The following FNTB variants were observed in gnomAD, a reference collection of about 807,000 sequenced individuals.
The protein encoded by FNTB is protein farnesyltransferase subunit beta.
In FNTB, 27 loss-of-function variants were observed where a neutral mutation model predicts 59.4. That is an observed-to-expected ratio of 0.45 (90% CI 0.34 to 0.63). FNTB has a LOEUF of 0.63. Ranked by LOEUF, FNTB falls within the 20% of genes least tolerant of loss-of-function variation. The pLI, the probability that FNTB is intolerant of heterozygous loss-of-function variation, is 0.02. For synonymous variants in FNTB, 230 were observed against 220.7 expected (o/e 1.04, Z -0.37); for missense variants, 449 against 559.6 (o/e 0.80, Z 1.99).
At chr14:65,015,847 A>G in intron 4 of FNTB, 131 bp downstream of exon 4, 3 of 1,022,628 alleles carry the variant, frequency 2.9e-6, no homozygotes, top group Non-Finnish European at 2.9e-6. Context: ...TGCTCTTCTC[A>G]TGACCTCCGG....
At chr14:65,046,099 C>T (rs2062471425) in intron 9 of FNTB, among the ~76,000 whole-genome samples, 1 of 152,144 alleles carries the variant, frequency 6.6e-6, no homozygotes, top group Admixed American at 6.5e-5. Flanking sequence ...GCCTTAGCCT[C>T]CTAAATAGCT....
intron 4 of FNTB, among the ~76,000 whole-genome samples, chr14:65,026,445 C>CT (rs2061982729): frequency 6.6e-6 from 1 of 152,212 alleles, no homozygotes; most frequent in Admixed American, 6.5e-5. Flanking sequence ...AACCCGCAGA[C>CT]TGGGAGGCAT....
In FNTB at chr14:65,023,952, A is replaced by G. The variant is rs1422588122; in HGVS notation, c.375-3501A>G. On this transcript the variant is annotated intron_variant, in intron 4 of 11. Coordinates refer to ENST00000246166, the MANE Select transcript of FNTB (RefSeq NM_002028.4). This position sits in a 1 kb window ranked among gnomAD's most constrained non-coding sequence, Gnocchi z 4.1. ...CCTGACTCTACTAAAAAATACAAAA[A>G]TTAGCTGGGCGTGGCGGCATGCACC... Among the ~76,000 whole-genome samples the G allele has an allele frequency of 6.6e-6, 1 of 152,068 alleles. No individual in the cohort carries two copies. The highest frequency in any genetic ancestry group is 6.6e-5 in the Admixed American group (1 of 15,260).
chr14:65,011,274 C>G lies in FNTB; in HGVS notation c.210-1043C>G, dbSNP rs1399251168. 1.3e-5 allele frequency among the ~76,000 whole-genome samples: 2 copies of G among 151,950 alleles called. No homozygotes were observed. The highest frequency in any genetic ancestry group is 2.9e-5 in the Non-Finnish European group (2 of 67,954). On this transcript the variant is annotated intron_variant, in intron 2 of 11. Coordinates refer to ENST00000246166, the MANE Select transcript of FNTB (RefSeq NM_002028.4). This position sits in a 1 kb window ranked among gnomAD's most constrained non-coding sequence, Gnocchi z 4.0. ...GAAACCCCCGTCTCCACTAAAAATA[C>G]AAAAATTAGCTGGGTGTGGTGGCAC...
In FNTB at chr14:65,030,655, G is replaced by A. The variant is rs2062062767; in HGVS notation, c.606-1955G>A. On this transcript the variant is annotated intron_variant, in intron 6 of 11. Coordinates refer to ENST00000246166, the MANE Select transcript of FNTB (RefSeq NM_002028.4). This position sits in a 1 kb window ranked among gnomAD's most constrained non-coding sequence, Gnocchi z 4.5. Reference sequence around the variant, plus strand: ...TGCTTAGGAGGCTGAGGCAAGATCAGTTTGAGCCCAGGAGTTTGAGGTTGC... The same window carrying A: ...TGCTTAGGAGGCTGAGGCAAGATCAATTTGAGCCCAGGAGTTTGAGGTTGC... 6.6e-6 allele frequency among the ~76,000 whole-genome samples: 1 copy of A among 151,918 alleles called. No individual in the cohort carries two copies. Among genetic ancestry groups the A allele is most frequent in the Admixed American group, 6.6e-5 (1 of 15,256 alleles).
chr14:65,040,259 GTATATATATGTATATATATGTGTGTATA>G (rs1281038446), intron 7 of FNTB, among the ~76,000 whole-genome samples: 3 of 144,984 alleles, frequency 2.1e-5, no homozygotes, highest in Non-Finnish European at 3.0e-5. Context: ...ATATATATAT[GTATATATATGTATATATATGTGTGTATA>G]TATATATATG....
At chr14:65,059,790 A>T (rs2062818762) in intron 11 of FNTB, among the ~76,000 whole-genome samples, 1 of 150,718 alleles carries the variant, frequency 6.6e-6, no homozygotes, top group African/African-American at 2.4e-5. Context: ...ATATATTTAA[A>T]TATGATCTGA....
At chr14:65,036,126 G>C (rs1481903789) in intron 7 of FNTB, among the ~76,000 whole-genome samples, 3 of 151,526 alleles carry the variant, frequency 2.0e-5, no homozygotes, top group Non-Finnish European at 4.4e-5. Context: ...AGCCACGATG[G>C]CCAGCCTGCC....
Position 65,044,415 on chromosome 14 carries a change from C to T in FNTB, c.927C>T (p.Pro309=), listed in dbSNP as rs1351344722. ...CCTTCTGGCAGGCGGGGCTCCTGCC[C>T]CTGCTCCACCGCGCACTGCACGCCC... ...CYSFWQAGLL[P]LLHRALHAQG... Residue 309 remains proline, a synonymous_variant, in exon 9 of 12, where the codon CCC becomes CCT. Coordinates refer to ENST00000246166, the MANE Select transcript of FNTB (RefSeq NM_002028.4). The surrounding 1 kb of genome is among the most constrained non-coding windows in gnomAD (Gnocchi z 5.5). 6.2e-7 allele frequency: 1 copy of T among 1,613,010 alleles called. No individual in the cohort carries two copies. Among genetic ancestry groups the T allele is most frequent in the Non-Finnish European group, 8.5e-7 (1 of 1,179,580 alleles).
In FNTB at chr14:64,991,726, A is replaced by T. The variant is rs139941793; in HGVS notation, c.144+4629A>T. Among the ~76,000 whole-genome samples the T allele has an allele frequency of 6.6e-6, 1 of 152,080 alleles. No individual in the cohort carries two copies. The highest frequency in any genetic ancestry group is 2.4e-5 in the African/African-American group (1 of 41,388). On this transcript the variant is annotated intron_variant, in intron 1 of 11. Transcript: ENST00000246166. The surrounding 1 kb of genome is among the most constrained non-coding windows in gnomAD (Gnocchi z 4.4). The stretch of plus-strand genomic sequence containing the variant: ...TGTGTGGGCTGAGGTGGTCAGGATG[A>T]CTTCATGGAGAACGTGGAACTGGGT...
chr14:64,992,145 A>G (rs1045821926), intron 1 of FNTB, among the ~76,000 whole-genome samples: 1 of 152,220 alleles, frequency 6.6e-6, no homozygotes, highest in Non-Finnish European at 1.5e-5. Flanking sequence ...TTAGGTGGTC[A>G]GTAGGCTAGC....
chr14:65,041,409 C>A (rs1298821624), intron 8 of FNTB, among the ~76,000 whole-genome samples: 1 of 152,124 alleles, frequency 6.6e-6, no homozygotes, highest in Non-Finnish European at 1.5e-5. Flanking sequence ...ACGCTCCTGG[C>A]CAGTATTCAG....
At chr14:65,048,219 G>A (rs191067831) in intron 9 of FNTB, among the ~76,000 whole-genome samples, 1 of 151,654 alleles carries the variant, frequency 6.6e-6, no homozygotes, top group Non-Finnish European at 1.5e-5. Context: ...CTGGCCTCAA[G>A]TGATCCACCT....
At chr14:65,000,556 C>T (rs1190712386) in intron 1 of FNTB, among the ~76,000 whole-genome samples, 2 of 151,996 alleles carry the variant, frequency 1.3e-5, no homozygotes, top group Non-Finnish European at 2.9e-5. Context: ...TGAGGTGGCT[C>T]ACGCCCGTAA....
intron 1 of FNTB, among the ~76,000 whole-genome samples, chr14:64,992,300 A>G (rs1165111674): frequency 6.6e-6 from 1 of 152,244 alleles, no homozygotes; most frequent in East Asian, 1.9e-4. Flanking sequence ...TTTTAGGTAT[A>G]TAAGTGAAAA....
At chr14:65,056,129 T>C (rs929453976) in intron 11 of FNTB, among the ~76,000 whole-genome samples, 2 of 152,246 alleles carry the variant, frequency 1.3e-5, no homozygotes, top group African/African-American at 4.8e-5. Flanking sequence ...AACAGTTGCT[T>C]GCATGTTTTC....
At chr14:65,048,325 T>A (rs76123659) in intron 9 of FNTB, among the ~76,000 whole-genome samples, 20 of 145,152 alleles carry the variant, frequency 1.4e-4, no homozygotes, top group Admixed American at 3.4e-4. Flanking sequence ...ACTGTGCCTT[T>A]AAAAAAAAAA....
At position 65,044,414 on chromosome 14, in the gene FNTB, C is replaced by T; in HGVS notation, c.926C>T (p.Pro309Leu). The change falls in exon 9 of 12, where the codon CCC becomes CTC. Residue 309 changes from proline (P) to leucine (L), a missense_variant. Pro to Leu is a moderately conservative substitution (Grantham distance 98). Transcript: ENST00000246166. The surrounding 1 kb of genome is among the most constrained non-coding windows in gnomAD (Gnocchi z 5.5). ...TCCTTCTGGCAGGCGGGGCTCCTGC[C>T]CCTGCTCCACCGCGCACTGCACGCC... ...CYSFWQAGLL[P>L]LLHRALHAQG... The T allele has an allele frequency of 6.2e-7, 1 of 1,612,974 alleles. No homozygotes were observed. The highest frequency in any genetic ancestry group is 8.5e-7 in the Non-Finnish European group (1 of 1,179,582).
intron 11 of FNTB, among the ~76,000 whole-genome samples, chr14:65,059,143 C>T (rs1288901621): frequency 6.6e-6 from 1 of 152,122 alleles, no homozygotes; most frequent in Admixed American, 6.5e-5. Flanking sequence ...CTGCCTTAGC[C>T]TCCCAAGTAG....
Sources: gnomAD v4.1 joint callset for allele counts (sites outside exome capture counted in the v4.1 genomes callset) on GRCh38, gnomAD v4.1.1 for gene constraint, Gnocchi (gnomAD v3.1) non-coding constraint, MANE v1.5 for transcripts, NCBI Gene and HGNC (gene_info 2026-07-23, HGNC 2026-07-21) for gene names.